The following ADAMTS2 variants were observed in gnomAD, a reference collection of about 807,000 sequenced individuals.
ADAMTS2 encodes ADAM metallopeptidase with thrombospondin type 1 motif 2, also known as A disintegrin and metalloproteinase with thrombospondin motifs 2.
ADAMTS2 carries 50 observed loss-of-function variants against 123.0 expected under a neutral mutation model. The observed-to-expected ratio is 0.41, with a 90% CI of 0.32 to 0.51. The LOEUF is 0.51. Among genes scored for constraint, ADAMTS2 ranks in the 20% least tolerant of loss-of-function variants. ADAMTS2 has a pLI of 0.35. For missense variants in ADAMTS2, 1,494 were observed against 1,705.2 expected (o/e 0.88, Z 2.18); for synonymous variants, 678 against 695.4 (o/e 0.98, Z 0.39).
At chr5:179,210,315 C>A (rs922094278) in intron 3 of ADAMTS2, among the ~76,000 whole-genome samples, 1 of 152,236 alleles carries the variant, frequency 6.6e-6, no homozygotes, top group African/African-American at 2.4e-5. Flanking sequence ...GGTGCCGCAT[C>A]GGGACAGAGC....
chr5:179,112,833 G>A lies in ADAMTS2; in HGVS notation c.*1034C>T, dbSNP rs1336775950. 6.6e-6 allele frequency: 1 copy of A among 152,302 alleles called. No homozygotes were observed. Among genetic ancestry groups the A allele is most frequent in the Non-Finnish European group, 1.5e-5 (1 of 68,112 alleles). The allele number at this position is 152,302 out of a possible 1,614,324, so 9.4% of individuals were successfully genotyped here. ...CTCTGGGGAGCCCTGGAGCCAAGGT[G>A]GCCAGGGAAGAATGCAGGAGCTCTT... is the stretch of plus-strand genomic sequence containing the variant. On this transcript the variant is annotated 3_prime_UTR_variant, in exon 22 of 22. Transcript: ENST00000251582.
chr5:179,120,818 A>AACGC (rs1168711267), intron 21 of ADAMTS2: 1 of 152,162 alleles, frequency 6.6e-6, no homozygotes, highest in African/African-American at 2.4e-5. Context: ...AAGGTGGATG[A>AACGC]ACGCACCGGC....
chr5:179,327,424 A>G (rs59286644), intron 2 of ADAMTS2, among the ~76,000 whole-genome samples: 30,409 of 152,044 alleles, frequency 0.2, 3,478 homozygotes, highest in East Asian at 0.49. Flanking sequence ...TCTTTCAAAG[A>G]CCGCAGTTTT....
intron 5 of ADAMTS2, among the ~76,000 whole-genome samples, chr5:179,163,721 C>T (rs969550407): frequency 3.3e-5 from 5 of 152,158 alleles, no homozygotes; most frequent in African/African-American, 1.2e-4. Context: ...CTTGCTGCTG[C>T]GGCAAGACAA....
Position 179,312,677 on chromosome 5 carries a change from A to G in ADAMTS2, c.534+31090T>C, listed in dbSNP as rs1756866322. Reference sequence around the variant, plus strand: ...AGAAGGCCACGTACAGGCAGAGCAGAGGGAGATGGAGGATGTCGGCCCTGA... The same window carrying G: ...AGAAGGCCACGTACAGGCAGAGCAGGGGGAGATGGAGGATGTCGGCCCTGA... On this transcript the variant is annotated intron_variant, in intron 2 of 21. Transcript: ENST00000251582. The surrounding 1 kb of genome is among the most constrained non-coding windows in gnomAD (Gnocchi z 4.2). Among the ~76,000 whole-genome samples the G allele has an allele frequency of 6.6e-6, 1 of 152,240 alleles. No homozygotes were observed. The highest frequency in any genetic ancestry group is 1.5e-5 in the Non-Finnish European group (1 of 68,040).
intron 2 of ADAMTS2, among the ~76,000 whole-genome samples, chr5:179,329,621 T>C (rs1757426369): frequency 6.6e-6 from 1 of 152,216 alleles, no homozygotes; most frequent in Non-Finnish European, 1.5e-5. Context: ...GAAAGGCTGA[T>C]ACTTTTCTAC....
intron 4 of ADAMTS2, among the ~76,000 whole-genome samples, chr5:179,207,014 C>T (rs1764714956): frequency 1.3e-5 from 2 of 152,144 alleles, no homozygotes; most frequent in African/African-American, 4.8e-5. Context: ...CGCTCTAATG[C>T]ACGTGAATCT....
rs1284223591 is a variant in ADAMTS2, at chr5:179,325,972, G to A, written c.534+17795C>T. ...CACTCCCAAAGGAGAACGGCCAGGC[G>A]GCCAAGTCCTCCCAGCTGAGGGGTG... On this transcript the variant is annotated intron_variant, in intron 2 of 21. Coordinates refer to ENST00000251582, the MANE Select transcript of ADAMTS2 (RefSeq NM_014244.5). 3.3e-5 allele frequency among the ~76,000 whole-genome samples: 5 copies of A among 152,326 alleles called. No individual in the cohort carries two copies. In the East Asian group the frequency reaches 7.7e-4, roughly 24 times the overall value.
At chr5:179,224,462 G>A (rs984512771) in intron 3 of ADAMTS2, among the ~76,000 whole-genome samples, 1 of 152,264 alleles carries the variant, frequency 6.6e-6, no homozygotes, top group African/African-American at 2.4e-5. Context: ...TGAACAGAGA[G>A]AAACGGTCTG....
chr5:179,332,374 G>C lies in ADAMTS2; in HGVS notation c.534+11393C>G, dbSNP rs1473550680. Among the ~76,000 whole-genome samples the C allele has an allele frequency of 2.0e-5, 3 of 152,128 alleles. No individual in the cohort carries two copies. Among genetic ancestry groups the C allele is most frequent in the African/African-American group, 7.2e-5 (3 of 41,428 alleles). Reference sequence around the variant, plus strand: ...AAGTTCCATGACTCCCATCCCCAGAGGTTGGGGAAGTGAGGCTGAATTCTC... The same window carrying C: ...AAGTTCCATGACTCCCATCCCCAGACGTTGGGGAAGTGAGGCTGAATTCTC... On this transcript the variant is annotated intron_variant, in intron 2 of 21. Transcript: ENST00000251582. This position sits in a 1 kb window ranked among gnomAD's most constrained non-coding sequence, Gnocchi z 4.2.
chr5:179,268,907 G>A (rs1057037743), intron 3 of ADAMTS2, among the ~76,000 whole-genome samples: 8 of 152,236 alleles, frequency 5.3e-5, no homozygotes, highest in African/African-American at 1.9e-4. Flanking sequence ...TGGCTGCATG[G>A]TGCCCCCAAA....
At chr5:179,116,958 G>C (rs901848556) in intron 21 of ADAMTS2, among the ~76,000 whole-genome samples, 8 of 152,204 alleles carry the variant, frequency 5.3e-5, no homozygotes, top group Non-Finnish European at 1.2e-4. Flanking sequence ...CTGGTACCCA[G>C]GGGAGATGCC....
chr5:179,319,994 C>T (rs1757114090), intron 2 of ADAMTS2, among the ~76,000 whole-genome samples: 1 of 152,244 alleles, frequency 6.6e-6, no homozygotes, highest in African/African-American at 2.4e-5. Context: ...GCCACTCCTG[C>T]TGCCCAGCCT....
At chr5:179,339,852 G>A (rs905331213) in intron 2 of ADAMTS2, among the ~76,000 whole-genome samples, 1 of 152,250 alleles carries the variant, frequency 6.6e-6, no homozygotes, top group African/African-American at 2.4e-5. Flanking sequence ...TGAGCCTGCT[G>A]GAGCCCAGTG....
intron 2 of ADAMTS2, among the ~76,000 whole-genome samples, chr5:179,301,152 G>A (rs1294055410): frequency 4.9e-5 from 7 of 143,454 alleles, no homozygotes; most frequent in Non-Finnish European, 7.5e-5. Context: ...CTGTCCCCCA[G>A]GAAAAAAAAA....
chr5:179,139,415 C>T (rs1236066168), intron 11 of ADAMTS2, among the ~76,000 whole-genome samples: 1 of 152,090 alleles, frequency 6.6e-6, no homozygotes, highest in Non-Finnish European at 1.5e-5. Flanking sequence ...TGAGGTATAG[C>T]TGAGCATGGG....
At chr5:179,341,944 A>G (rs1474522516) in intron 2 of ADAMTS2, among the ~76,000 whole-genome samples, 3 of 152,076 alleles carry the variant, frequency 2.0e-5, no homozygotes, top group Non-Finnish European at 4.4e-5. Context: ...CGGGTTGCCA[A>G]CCTGCGTCTT....
chr5:179,287,909 G>A lies in ADAMTS2; in HGVS notation c.535-14845C>T, dbSNP rs540386798. On this transcript the variant is annotated intron_variant, in intron 2 of 21. Transcript: ENST00000251582. ...GAGAGCACAGGCTGGGACGCAGCCC[G>A]CCCAACGCCAGTCCCCCCACTCCAC... Among the ~76,000 whole-genome samples the A allele has an allele frequency of 1.6e-3, 245 of 152,318 alleles. 1 individual carries two copies. The highest frequency in any genetic ancestry group is 5.5e-3 in the African/African-American group (229 of 41,576).
rs548347546 is a variant in ADAMTS2, at chr5:179,155,048, C to A, written c.1133-129G>T. 1 of 811,680 alleles carries A rather than the reference C, an allele frequency of 1.2e-6. No homozygotes were observed. The highest frequency in any genetic ancestry group is 2.1e-6 in the Non-Finnish European group (1 of 477,512). The allele number at this position is 811,680 out of a possible 1,614,324, so 50.3% of individuals were successfully genotyped here. A position where few individuals can be genotyped will look rare whatever the true frequency, so the allele number is the denominator to read the frequency against. On this transcript the variant is annotated intron_variant, in intron 6 of 21. Coordinates refer to ENST00000251582, the MANE Select transcript of ADAMTS2 (RefSeq NM_014244.5). This position sits in a 1 kb window ranked among gnomAD's most constrained non-coding sequence, Gnocchi z 5.1. Reference sequence around the variant, plus strand: ...CCTCTCTACCACAGGCAACTGCCCCCGGCTGGCACAGCTCAGAAGACACCA... The same window carrying A: ...CCTCTCTACCACAGGCAACTGCCCCAGGCTGGCACAGCTCAGAAGACACCA...
Sources: gnomAD v4.1 joint callset for allele counts (sites outside exome capture counted in the v4.1 genomes callset) on GRCh38, gnomAD v4.1.1 for gene constraint, Gnocchi (gnomAD v3.1) non-coding constraint, MANE v1.5 for transcripts, NCBI Gene and HGNC (gene_info 2026-07-23, HGNC 2026-07-21) for gene names.